AOPEP: variants seen among roughly 807,000 people sequenced by gnomAD.
AOPEP encodes the protein aminopeptidase O (putative), also known as aminopeptidase O.
Under a neutral mutation model 98.1 loss-of-function variants are expected in AOPEP, and 77 were observed. The ratio of observed to expected loss-of-function variants is 0.78; its 90% CI spans 0.65 to 0.95. The LOEUF (loss-of-function observed/expected upper bound fraction) is 0.95, where lower values mean the gene tolerates loss of function less well. Ranked by LOEUF, AOPEP falls within the 40% of genes least tolerant of loss-of-function variation. The pLI, the probability that AOPEP is intolerant of heterozygous loss-of-function variation, is 0.00. For synonymous variants in AOPEP, 346 were observed against 365.3 expected (o/e 0.95, Z 0.60); for missense variants, 1,024 against 1,024.7 (o/e 1.00, Z 0.01).
the AOPEP span, chr9:95,123,817 C>T: frequency 1.5e-6 from 1 of 682,728 alleles, no homozygotes; most frequent in Non-Finnish European, 2.7e-6. Context: ...CACCCCTACT[C>T]CAATTTAGAC....
chr9:94,879,221 C>T (rs1367970371), intron 5 of AOPEP, among the ~76,000 whole-genome samples: 3 of 152,144 alleles, frequency 2.0e-5, no homozygotes, highest in Non-Finnish European at 4.4e-5. Flanking sequence ...CTAAAAAGGC[C>T]GTCTAGTACC....
intron 4 of AOPEP, among the ~76,000 whole-genome samples, 158 bp from the exon 5 acceptor site, chr9:94,800,599 C>T (rs965281475): frequency 3.3e-5 from 5 of 152,180 alleles, no homozygotes; most frequent in African/African-American, 1.2e-4. Context: ...TTCACTGCTG[C>T]ACAGAGCCAG....
intron 5 of AOPEP, among the ~76,000 whole-genome samples, chr9:94,892,859 A>G (rs1215903118): frequency 1.3e-5 from 2 of 152,120 alleles, no homozygotes; most frequent in Admixed American, 1.3e-4. Flanking sequence ...GACTAGAGAT[A>G]CAGGCCACGT....
the AOPEP span, among the ~76,000 whole-genome samples, chr9:95,107,825 G>T: frequency 6.8e-3 from 1,038 of 152,188 alleles, 10 homozygotes; most frequent in African/African-American, 0.024. Flanking sequence ...TTAGATGCCG[G>T]AACAATCTGT....
chr9:95,107,645 GCAGT>G, the AOPEP span: 2 of 389,442 alleles, frequency 5.1e-6, no homozygotes, highest in Non-Finnish European at 9.7e-6. Flanking sequence ...AAAGCCCCAC[GCAGT>G]CAGACCTCCG....
chr9:95,047,276 G>A (rs2065936486), intron 13 of AOPEP, among the ~76,000 whole-genome samples: 1 of 152,178 alleles, frequency 6.6e-6, no homozygotes, highest in Non-Finnish European at 1.5e-5. Flanking sequence ...ATAGTGGTGG[G>A]GTTTTAATAT....
At chr9:94,753,558 G>T (rs1305982276) in intron 1 of AOPEP, among the ~76,000 whole-genome samples, 1 of 152,084 alleles carries the variant, frequency 6.6e-6, no homozygotes, top group Non-Finnish European at 1.5e-5. Flanking sequence ...ATAAAGCTAA[G>T]AAGCAAAGAA....
chr9:94,740,424 G>A lies in AOPEP; in HGVS notation c.-136+13673G>A, dbSNP rs565259242. Among the ~76,000 whole-genome samples the A allele has an allele frequency of 3.9e-5, 6 of 152,250 alleles. No individual in the cohort carries two copies. The South Asian group carries it at 8.3e-4, about 21-fold the overall frequency. ...GGGAGGAGCAATTTCTCCAGGATTA[G>A]CAAGGCTCCAAGATGTCAAAACATC... On this transcript the variant is annotated intron_variant, in intron 1 of 16. Coordinates refer to ENST00000375315, the MANE Select transcript of AOPEP (RefSeq NM_001193329.3).
intron 14 of AOPEP, 60 bp downstream of exon 14, chr9:95,060,870 G>C (rs1161326735): frequency 3.7e-6 from 4 of 1,068,208 alleles, no homozygotes; most frequent in Non-Finnish European, 5.9e-6. Context: ...GAAGAATGGT[G>C]ATCCCATTGC....
At chr9:94,792,569 T>TTGAA (rs1381917799) in intron 3 of AOPEP, among the ~76,000 whole-genome samples, 196 bp from the exon 4 acceptor site, 35 of 152,202 alleles carry the variant, frequency 2.3e-4, no homozygotes, top group African/African-American at 7.9e-4. Context: ...CCTTCCTGGT[T>TTGAA]GCCTTGAAGC....
At chr9:94,848,572 A>G (rs944156416) in intron 5 of AOPEP, among the ~76,000 whole-genome samples, 4 of 151,940 alleles carry the variant, frequency 2.6e-5, no homozygotes, top group African/African-American at 9.7e-5. Flanking sequence ...CAGTGAGCCA[A>G]GATCACGCCA....
At chr9:94,981,179 A>C (rs983455065) in intron 11 of AOPEP, among the ~76,000 whole-genome samples, 1 of 152,174 alleles carries the variant, frequency 6.6e-6, no homozygotes, top group African/African-American at 2.4e-5. Flanking sequence ...GGGGCTCTGT[A>C]ATTTCCCCTG....
At chr9:94,929,349 G>A (rs932412620) in intron 7 of AOPEP, among the ~76,000 whole-genome samples, 4 of 152,204 alleles carry the variant, frequency 2.6e-5, no homozygotes, top group African/African-American at 9.7e-5. Flanking sequence ...GCCTTGGATG[G>A]TTCTGCTGTT....
intron 4 of AOPEP, among the ~76,000 whole-genome samples, chr9:94,798,034 C>G (rs1742457938): frequency 6.6e-6 from 1 of 152,090 alleles, no homozygotes; most frequent in African/African-American, 2.4e-5. Flanking sequence ...AATTCCTTAC[C>G]TCCTCCAGCA....
chr9:94,843,112 C>T (rs913218558), intron 5 of AOPEP, among the ~76,000 whole-genome samples: 4 of 152,194 alleles, frequency 2.6e-5, no homozygotes, highest in Non-Finnish European at 4.4e-5. Context: ...CTCTCTGGGA[C>T]TCTAACGACA....
chr9:94,757,021 T>A (rs1442888900), intron 1 of AOPEP, among the ~76,000 whole-genome samples: 1 of 152,256 alleles, frequency 6.6e-6, no homozygotes, highest in Non-Finnish European at 1.5e-5. Context: ...TCATCTTATT[T>A]CTTGCTACAT....
At chr9:95,021,140 C>A (rs2063422366) in intron 13 of AOPEP, among the ~76,000 whole-genome samples, 1 of 152,104 alleles carries the variant, frequency 6.6e-6, no homozygotes, top group African/African-American at 2.4e-5. Context: ...GTCTGTCTAA[C>A]TTGGCTGTTT....
At chr9:94,763,095 G>A in intron 2 of AOPEP, 1 of 456,708 alleles carries the variant, frequency 2.2e-6, no homozygotes, top group Non-Finnish European at 4.5e-6. Flanking sequence ...TTCTCAGGCT[G>A]GGATGAGAAG....
chr9:94,863,272 CTTTTTCTCT>C (rs2045286383), intron 5 of AOPEP, among the ~76,000 whole-genome samples: 1 of 131,670 alleles, frequency 7.6e-6, no homozygotes, highest in Non-Finnish European at 1.6e-5. Context: ...TCTTCTTTCT[CTTTTTCTCT>C]TTTTTTTTTT....
Sources: gnomAD v4.1 joint callset for allele counts (sites outside exome capture counted in the v4.1 genomes callset) on GRCh38, gnomAD v4.1.1 for gene constraint, MANE v1.5 for transcripts, NCBI Gene and HGNC (gene_info 2026-07-23, HGNC 2026-07-21) for gene names.